The following SPAG16 variants were observed in gnomAD, a reference collection of about 807,000 sequenced individuals.
SPAG16 encodes sperm-associated antigen 16 protein.
In SPAG16, 86 loss-of-function variants were observed where a neutral mutation model predicts 80.4. The ratio of observed to expected loss-of-function variants is 1.07; its 90% CI spans 0.90 to 1.28. The LOEUF (loss-of-function observed/expected upper bound fraction) is 1.28, where lower values mean the gene tolerates loss of function less well. Among genes scored for constraint, SPAG16 ranks in the 50% most tolerant of loss-of-function variants. SPAG16 has a pLI of 0.00. For missense variants in SPAG16, 870 were observed against 765.3 expected (o/e 1.14, Z -1.61); for synonymous variants, 294 against 265.9 (o/e 1.11, Z -1.03).
At chr2:213,814,534 A>G (rs926608888) in intron 10 of SPAG16, among the ~76,000 whole-genome samples, 1 of 152,188 alleles carries the variant, frequency 6.6e-6, no homozygotes, top group Admixed American at 6.5e-5. Context: ...GCTCATGCCT[A>G]TAATCCCAGT....
intron 10 of SPAG16, among the ~76,000 whole-genome samples, chr2:213,536,651 C>G (rs1247244631): frequency 6.6e-6 from 1 of 152,054 alleles, no homozygotes; most frequent in Non-Finnish European, 1.5e-5. Flanking sequence ...CTGTTTATGT[C>G]CTTTGCCCAC....
chr2:214,409,383 T>C (rs1387937052), intron 15 of SPAG16, among the ~76,000 whole-genome samples: 1 of 152,108 alleles, frequency 6.6e-6, no homozygotes, highest in Non-Finnish European at 1.5e-5. Context: ...CCCATGATAG[T>C]TTGTTACTGG....
At chr2:213,773,190 GT>G (rs1455821660) in intron 10 of SPAG16, among the ~76,000 whole-genome samples, 4 of 151,908 alleles carry the variant, frequency 2.6e-5, no homozygotes, top group African/African-American at 9.7e-5. Context: ...TGGACATCAT[GT>G]CTTAGTTTCA....
intron 15 of SPAG16, among the ~76,000 whole-genome samples, chr2:214,175,165 GAAGGTTA>G (rs2057026014): frequency 6.7e-6 from 1 of 149,060 alleles, no homozygotes. Context: ...GAATTCGAAA[GAAGGTTA>G]AATTGAGGAA....
chr2:214,033,391 G>A (rs998919134), intron 13 of SPAG16, among the ~76,000 whole-genome samples: 3 of 152,200 alleles, frequency 2.0e-5, no homozygotes, highest in Non-Finnish European at 4.4e-5. Context: ...ATGCAGAGAA[G>A]TGGCATGATC....
chr2:213,552,509 A>C (rs895205505), intron 10 of SPAG16, among the ~76,000 whole-genome samples: 3 of 152,122 alleles, frequency 2.0e-5, no homozygotes, highest in African/African-American at 4.8e-5. Context: ...TCTCAACTCA[A>C]CTGTTTCTGT....
intron 14 of SPAG16, among the ~76,000 whole-genome samples, chr2:214,110,998 T>A (rs1227984469): frequency 1.3e-5 from 2 of 152,144 alleles, no homozygotes; most frequent in African/African-American, 4.8e-5. Flanking sequence ...CCTAGTAAAT[T>A]TGTTTGAGTT....
intron 10 of SPAG16, among the ~76,000 whole-genome samples, chr2:213,580,786 C>T (rs2060272496): frequency 1.3e-5 from 2 of 151,970 alleles, no homozygotes; most frequent in Non-Finnish European, 2.9e-5. Flanking sequence ...ATTCATATTC[C>T]TTACAATTTT....
At chr2:213,507,195 A>C (rs2075001840) in intron 10 of SPAG16, among the ~76,000 whole-genome samples, 2 of 152,206 alleles carry the variant, frequency 1.3e-5, no homozygotes, top group South Asian at 4.1e-4. Flanking sequence ...TTCCTTTAAA[A>C]AATGCCTGGG....
At chr2:213,954,578 A>G (rs1220845805) in intron 12 of SPAG16, among the ~76,000 whole-genome samples, 6 of 152,140 alleles carry the variant, frequency 3.9e-5, no homozygotes, top group African/African-American at 1.4e-4. Flanking sequence ...TACATGTGTC[A>G]TGGTGGTTTG....
chr2:214,015,661 G>T (rs571570573), intron 13 of SPAG16, among the ~76,000 whole-genome samples: 1 of 151,982 alleles, frequency 6.6e-6, no homozygotes, highest in South Asian at 2.1e-4. Flanking sequence ...GGGAAGCAAG[G>T]CTAATGGTCA....
chr2:213,874,112 G>T lies in SPAG16; in HGVS notation c.1214+11484G>T, dbSNP rs1416078972. Reference sequence around the variant, plus strand: ...GTTTAGGGCATTTACCATGAATGGAGCTTTCAGGAATGGAAGCTGCTCTGG... The same window carrying T: ...GTTTAGGGCATTTACCATGAATGGATCTTTCAGGAATGGAAGCTGCTCTGG... On this transcript the variant is annotated intron_variant, in intron 11 of 15. Transcript: ENST00000331683. Among the ~76,000 whole-genome samples, 4 of 152,230 alleles carry T rather than the reference G, an allele frequency of 2.6e-5. No homozygotes were observed. The East Asian group carries it at 7.7e-4, about 29-fold the overall frequency.
intron 9 of SPAG16, among the ~76,000 whole-genome samples, chr2:213,468,543 ATATG>A (rs1471427668): frequency 4.1e-5 from 5 of 122,842 alleles, no homozygotes; most frequent in African/African-American, 1.3e-4. Context: ...AGATATATAT[ATATG>A]TATTTATATA....
intron 10 of SPAG16, among the ~76,000 whole-genome samples, chr2:213,577,923 C>T (rs1448349218): frequency 6.6e-6 from 1 of 152,030 alleles, no homozygotes; most frequent in Non-Finnish European, 1.5e-5. Context: ...TTTATGTTTG[C>T]TCTATCCAGC....
intron 10 of SPAG16, among the ~76,000 whole-genome samples, chr2:213,634,189 G>C (rs2125091527): frequency 6.6e-6 from 1 of 151,982 alleles, no homozygotes; most frequent in Admixed American, 6.6e-5. Context: ...TGTGTCCATT[G>C]TATATTTTTT....
intron 9 of SPAG16, among the ~76,000 whole-genome samples, chr2:213,392,374 T>G (rs1260307571): frequency 6.6e-6 from 1 of 152,216 alleles, no homozygotes; most frequent in Non-Finnish European, 1.5e-5. Flanking sequence ...CAACCAAGGA[T>G]CTGGGTGCTA....
At chr2:214,305,155 T>A (rs1694826841) in intron 15 of SPAG16, among the ~76,000 whole-genome samples, 1 of 152,232 alleles carries the variant, frequency 6.6e-6, no homozygotes, top group Non-Finnish European at 1.5e-5. Flanking sequence ...CATATGTTCG[T>A]TAGCTGCATG....
intron 15 of SPAG16, among the ~76,000 whole-genome samples, chr2:214,207,549 T>C (rs2125737070): frequency 6.6e-6 from 1 of 152,352 alleles, no homozygotes; most frequent in South Asian, 2.1e-4. Flanking sequence ...TTCATTGATT[T>C]CTCATGCTTA....
At chr2:213,425,227 G>A (rs1236135276) in intron 9 of SPAG16, among the ~76,000 whole-genome samples, 1 of 152,134 alleles carries the variant, frequency 6.6e-6, no homozygotes, top group Non-Finnish European at 1.5e-5. Context: ...GGAGGCTGAG[G>A]CAGAATGGTG....
Sources: gnomAD v4.1 joint callset for allele counts (sites outside exome capture counted in the v4.1 genomes callset) on GRCh38, gnomAD v4.1.1 for gene constraint, MANE v1.5 for transcripts, NCBI Gene and HGNC (gene_info 2026-07-23, HGNC 2026-07-21) for gene names.